PRR16: variants seen among roughly 807,000 people sequenced by gnomAD.
PRR16 encodes the protein protein Largen.
A neutral mutation model predicts 18.2 loss-of-function variants in PRR16; 6 were observed. The observed-to-expected ratio is 0.33, with a 90% CI of 0.18 to 0.65. The LOEUF is 0.65. Among genes scored for constraint, PRR16 ranks in the 30% least tolerant of loss-of-function variants. The probability of loss-of-function intolerance (pLI) is 0.74; values close to 1 mark genes in which losing one functional copy is unlikely to be tolerated. For synonymous variants in PRR16, 151 were observed against 147.8 expected, an observed-to-expected ratio of 1.02 and a Z score of -0.16; for missense variants, 412 against 376.6, an observed-to-expected ratio of 1.09 and a Z score of -0.78.
intron 1 of PRR16, among the ~76,000 whole-genome samples, 200 bp from the exon 2 acceptor site, chr5:120,685,754 T>C (rs1371952000): frequency 6.6e-6 from 1 of 152,208 alleles, no homozygotes; most frequent in African/African-American, 2.4e-5. Flanking sequence ...TGTTAAATTA[T>C]ATTATCATAC....
At chr5:120,766,573 C>G in the PRR16 span, among the ~76,000 whole-genome samples, 1 of 151,870 alleles carries the variant, frequency 6.6e-6, no homozygotes, top group South Asian at 2.1e-4. Context: ...TTTCTACCCA[C>G]TTTTAATTAA....
chr5:120,497,233 GTTTAC>G (rs1373156567), intron 1 of PRR16, among the ~76,000 whole-genome samples: 3 of 151,572 alleles, frequency 2.0e-5, no homozygotes, highest in Non-Finnish European at 4.4e-5. Flanking sequence ...TCATGGTACT[GTTTAC>G]TTCTTCTGTA....
At chr5:120,604,708 CCT>C (rs1754098492) in intron 1 of PRR16, among the ~76,000 whole-genome samples, 1 of 152,118 alleles carries the variant, frequency 6.6e-6, no homozygotes, top group African/African-American at 2.4e-5. Flanking sequence ...CCCTTAAGGA[CCT>C]CTTGTAAGGC....
intron 1 of PRR16, among the ~76,000 whole-genome samples, chr5:120,504,282 C>T (rs768735306): frequency 6.6e-6 from 1 of 152,284 alleles, no homozygotes; most frequent in East Asian, 1.9e-4. Context: ...TGTTGCATCA[C>T]CTCAAGTTGT....
the PRR16 span, among the ~76,000 whole-genome samples, chr5:120,792,553 G>A: frequency 1.3e-5 from 2 of 152,114 alleles, no homozygotes; most frequent in East Asian, 1.9e-4. Context: ...ATCTCGAAAT[G>A]CCAATGTAGA....
At chr5:120,549,730 A>C (rs1752192902) in intron 1 of PRR16, among the ~76,000 whole-genome samples, 1 of 152,024 alleles carries the variant, frequency 6.6e-6, no homozygotes, top group African/African-American at 2.4e-5. Context: ...TTATGGGTAC[A>C]TATTTGTTTT....
the PRR16 span, among the ~76,000 whole-genome samples, chr5:120,769,049 C>G: frequency 6.6e-6 from 1 of 151,338 alleles, no homozygotes; most frequent in Non-Finnish European, 1.5e-5. Flanking sequence ...AAATACTTCT[C>G]AGTGTCCTCA....
At chr5:120,516,576 T>C (rs1032923106) in intron 1 of PRR16, among the ~76,000 whole-genome samples, 5 of 151,998 alleles carry the variant, frequency 3.3e-5, no homozygotes, top group Admixed American at 6.6e-5. Context: ...TGTCACTACA[T>C]TGGTTTCTAA....
At chr5:120,630,970 T>G (rs1755032815) in intron 1 of PRR16, among the ~76,000 whole-genome samples, 1 of 152,164 alleles carries the variant, frequency 6.6e-6, no homozygotes, top group Non-Finnish European at 1.5e-5. Flanking sequence ...ACTAAATTAT[T>G]TAGCTGTGGT....
chr5:120,517,425 T>C (rs1432274475), intron 1 of PRR16, among the ~76,000 whole-genome samples: 1 of 152,104 alleles, frequency 6.6e-6, no homozygotes, highest in Non-Finnish European at 1.5e-5. Flanking sequence ...CTTGAGACTT[T>C]TGCTTGTATT....
chr5:120,471,597 G>A (rs1402285407), intron 1 of PRR16, among the ~76,000 whole-genome samples: 1 of 152,080 alleles, frequency 6.6e-6, no homozygotes, highest in Admixed American at 6.5e-5. Flanking sequence ...TAACTTTAGT[G>A]CTATCGATTA....
At chr5:120,669,714 T>A (rs1242798331) in intron 1 of PRR16, among the ~76,000 whole-genome samples, 1 of 152,114 alleles carries the variant, frequency 6.6e-6, no homozygotes, top group African/African-American at 2.4e-5. Context: ...TTGTTTCACC[T>A]TTTCTTTTAA....
chr5:120,645,837 T>C (rs1423493024), intron 1 of PRR16, among the ~76,000 whole-genome samples: 1 of 151,736 alleles, frequency 6.6e-6, no homozygotes, highest in East Asian at 1.9e-4. Context: ...TAACAATGAC[T>C]AGAAGAAAAT....
intron 1 of PRR16, among the ~76,000 whole-genome samples, chr5:120,597,480 T>C (rs1753851959): frequency 6.6e-6 from 1 of 151,598 alleles, no homozygotes; most frequent in Non-Finnish European, 1.5e-5. Context: ...AAATGTTTAA[T>C]TAATACAGAT....
intron 1 of PRR16, among the ~76,000 whole-genome samples, chr5:120,669,725 A>G (rs1756529625): frequency 6.6e-6 from 1 of 152,102 alleles, no homozygotes; most frequent in African/African-American, 2.4e-5. Flanking sequence ...TTTCTTTTAA[A>G]TTAGAACTCA....
the PRR16 span, among the ~76,000 whole-genome samples, chr5:120,702,476 G>T: frequency 6.6e-6 from 1 of 151,906 alleles, no homozygotes; most frequent in African/African-American, 2.4e-5. Flanking sequence ...AGGAGAGAAG[G>T]GGTTGGGGTA....
At chr5:120,693,375 C>A in the PRR16 span, among the ~76,000 whole-genome samples, 1 of 152,238 alleles carries the variant, frequency 6.6e-6, no homozygotes, top group Non-Finnish European at 1.5e-5. Context: ...TAAACAATAT[C>A]AACAGAAGGA....
chr5:120,581,451 A>T (rs1383323761), intron 1 of PRR16, among the ~76,000 whole-genome samples: 4 of 151,448 alleles, frequency 2.6e-5, no homozygotes, highest in South Asian at 2.1e-4. Flanking sequence ...TATTTTGTTA[A>T]TTTTTTTCAA....
At chr5:120,545,172 C>A (rs1752036509) in intron 1 of PRR16, among the ~76,000 whole-genome samples, 1 of 151,992 alleles carries the variant, frequency 6.6e-6, no homozygotes, top group Admixed American at 6.6e-5. Flanking sequence ...CTACAGATGG[C>A]ATTTTTTTCG....
Sources: gnomAD v4.1 joint callset for allele counts (sites outside exome capture counted in the v4.1 genomes callset) on GRCh38, gnomAD v4.1.1 for gene constraint, MANE v1.5 for transcripts, NCBI Gene and HGNC (gene_info 2026-07-23, HGNC 2026-07-21) for gene names.